ZNF837: variants seen among roughly 807,000 people sequenced by gnomAD.
ZNF837 encodes zinc finger protein 837.
For missense variants in ZNF837, 955 were observed against 801.7 expected, an observed-to-expected ratio of 1.19 and a Z score of -2.31; for synonymous variants, 475 against 365.2, an observed-to-expected ratio of 1.30 and a Z score of -3.43.
At chr19:58,374,612 A>G (rs1001773080) in intron 1 of ZNF837, among the ~76,000 whole-genome samples, 6 of 152,148 alleles carry the variant, frequency 3.9e-5, no homozygotes, top group African/African-American at 1.4e-4. Context: ...TGATGGTTGC[A>G]CAACATAGTG....
Position 58,369,122 on chromosome 19 carries a change from C to A in ZNF837, c.211G>T (p.Gly71Trp). The A allele has an allele frequency of 6.8e-7, 1 of 1,481,468 alleles. No homozygotes were observed. Among genetic ancestry groups the A allele is most frequent in the African/African-American group, 1.4e-5 (1 of 69,328 alleles). 91.8% of individuals were successfully genotyped at this position (1,481,468 alleles called of 1,614,324 possible). A position where few individuals can be genotyped will look rare whatever the true frequency, so the allele number is the denominator to read the frequency against. The change falls in exon 3 of 3, where the codon GGG becomes TGG. Residue 71 changes from glycine (G) to tryptophan (W), a missense_variant. Gly to Trp is a radical substitution (Grantham distance 184). Transcript: ENST00000597582. ...PGGGSRGCSLGVSPGPGTRHS... is the reference protein window; with the variant it reads ...PGGGSRGCSLWVSPGPGTRHS... ...CGGGTCCCCGGGCCGGGGCTCACCC[C>A]GAGGCTGCAGCCCCGGGAGCCCCCG...
At chr19:58,379,001 A>G (rs1009069656) in intron 1 of ZNF837, among the ~76,000 whole-genome samples, 104 of 152,308 alleles carry the variant, frequency 6.8e-4, no homozygotes, top group African/African-American at 2.3e-3. Flanking sequence ...GGACTGTGAG[A>G]GTAAATTTCT....
intron 1 of ZNF837, among the ~76,000 whole-genome samples, chr19:58,378,354 C>T (rs893903607): frequency 2.0e-5 from 3 of 152,200 alleles, no homozygotes; most frequent in African/African-American, 7.2e-5. Context: ...CACAGAGACC[C>T]AGATGTCAGG....
chr19:58,375,411 CATTT>C lies in ZNF837; in HGVS notation c.-139-5487_-139-5484del, dbSNP rs200741154. Reference sequence around the variant, plus strand: ...ACCCAACCTGAATTGTAAAATGGTTCATTTGTTACATGATTTATATATTTTTGTT... The same window carrying C: ...ACCCAACCTGAATTGTAAAATGGTTCGTTACATGATTTATATATTTTTGTT... On this transcript the variant is annotated intron_variant, in intron 1 of 2. Coordinates refer to ENST00000597582, the MANE Select transcript of ZNF837 (RefSeq NM_138466.2). Among the ~76,000 whole-genome samples the C allele has an allele frequency of 5.5e-3, 815 of 147,556 alleles. 10 individuals are homozygous for C. The highest frequency in any genetic ancestry group is 0.02 in the African/African-American group (790 of 40,000).
rs1256551766 is a variant in ZNF837, at chr19:58,368,509, T to A, written c.824A>T (p.Glu275Val). ...PPAQRLYACDECGKAFTRTSS... is the reference protein window; with the variant it reads ...PPAQRLYACDVCGKAFTRTSS... ...GGTGCGCGTGAAGGCCTTGCCGCAC[T>A]CGTCGCAAGCGTACAGTCGCTGGGC... Residue 275 changes from glutamate (E) to valine (V), a missense_variant, in exon 3 of 3, where the codon GAG becomes GTG. Physicochemically the swap from Glu to Val is moderately radical, Grantham distance 121. Transcript: ENST00000597582. 3 of 1,549,146 alleles carry A rather than the reference T, an allele frequency of 1.9e-6. No individual in the cohort carries two copies. The highest frequency in any genetic ancestry group is 1.7e-6 in the Non-Finnish European group (2 of 1,148,182).
At chr19:58,373,656 T>C (rs891711627) in intron 1 of ZNF837, among the ~76,000 whole-genome samples, 3 of 152,122 alleles carry the variant, frequency 2.0e-5, no homozygotes, top group African/African-American at 7.2e-5. Flanking sequence ...AAGAACAGGA[T>C]GGGGAATGAT....
In ZNF837 at chr19:58,368,433, C is replaced by T; in HGVS notation, c.900G>A (p.Glu300=). 5 of 1,557,804 alleles carry T rather than the reference C, an allele frequency of 3.2e-6. No homozygotes were observed. Among genetic ancestry groups the T allele is most frequent in the East Asian group, 2.4e-5 (1 of 41,404 alleles). The change falls in exon 3 of 3, where the codon GAG becomes GAA. Residue 300 remains glutamate, a synonymous_variant. Transcript: ENST00000597582. ...QRIHTGERPY[E]CAECGKAFVR... ...CGAAGGCCTTGCCGCACTCGGCGCA[C>T]TCGTAGGGCCGCTCGCCCGTGTGGA...
intron 1 of ZNF837, among the ~76,000 whole-genome samples, chr19:58,377,297 G>C (rs890889125): frequency 2.0e-5 from 3 of 151,570 alleles, no homozygotes; most frequent in African/African-American, 7.3e-5. Context: ...ACGAGGTCAG[G>C]AGATTGAGAC....
rs2052171168 is a variant in ZNF837 at position 58,368,872 on chromosome 19, T to G, written c.461A>C (p.Asn154Thr). 10 of 1,547,584 alleles carry G rather than the reference T, an allele frequency of 6.5e-6. No individual in the cohort carries two copies. Among genetic ancestry groups the G allele is most frequent in the Non-Finnish European group, 8.7e-6 (10 of 1,146,680 alleles). The change falls in exon 3 of 3, where the codon AAC becomes ACC. Residue 154 changes from asparagine to threonine, a missense_variant. Transcript: ENST00000597582. ...CTCACACAGTTGAGTCCGGGGGTGG[T>G]TCTGGATCCGCTCCGGACAGGGGTC... ...VCDPCPERIQNHPRTQLCEVH... is the reference protein window; with the variant it reads ...VCDPCPERIQTHPRTQLCEVH...
intron 1 of ZNF837, among the ~76,000 whole-genome samples, chr19:58,378,149 C>T (rs79102203): frequency 1.4e-3 from 211 of 152,314 alleles, no homozygotes; most frequent in African/African-American, 5.0e-3. Flanking sequence ...TCTGAGGTCC[C>T]CACACATAGG....
At chr19:58,369,435 A>G (rs1453741703) in intron 2 of ZNF837, 74 bp from the exon 3 acceptor site, 2 of 1,241,336 alleles carry the variant, frequency 1.6e-6, no homozygotes, top group Admixed American at 7.6e-5. Context: ...CCAACGAGCG[A>G]CCACCCCACA....
chr19:58,368,007 G>T lies in ZNF837; in HGVS notation c.1326C>A (p.Thr442=). The change falls in exon 3 of 3, where the codon ACC becomes ACA. Residue 442 remains threonine, a synonymous_variant. Transcript: ENST00000597582. ...CGGAGCAGCCATAGGGCCGCTCGCC[G>T]GTGTGCGCGCGCTGGTGTTGCACCA... The part of the protein sequence containing the change: ...SGLVQHQRAH[T]GERPYGCSEC... 6.5e-7 allele frequency: 1 copy of T among 1,531,376 alleles called. No individual in the cohort carries two copies. The highest frequency in any genetic ancestry group is 2.5e-5 in the East Asian group (1 of 40,632). The allele number at this position is 1,531,376 out of a possible 1,614,324, so 94.9% of individuals were successfully genotyped here.
Position 58,369,217 on chromosome 19 carries a change from C to T in ZNF837, c.116G>A (p.Arg39Gln), listed in dbSNP as rs964978177. Residue 39 changes from arginine (R) to glutamine (Q), a missense_variant, in exon 3 of 3, where the codon CGA becomes CAA. Physicochemically the swap from Arg to Gln is conservative, Grantham distance 43. Coordinates refer to ENST00000597582, the MANE Select transcript of ZNF837 (RefSeq NM_138466.2). Reference sequence around the variant, plus strand: ...CTTTTGAGTGGGGCGGCTCCCAGCTCGGTCCTCTTCGAGGGGCCTCGGCTC... The same window carrying T: ...CTTTTGAGTGGGGCGGCTCCCAGCTTGGTCCTCTTCGAGGGGCCTCGGCTC... ...PEEPRPLEED[R>Q]AGSRPTQKGD... 8 of 1,438,850 alleles carry T rather than the reference C, an allele frequency of 5.6e-6. No individual in the cohort carries two copies. The highest frequency in any genetic ancestry group is 3.0e-5 in the African/African-American group (2 of 66,728). The allele number at this position is 1,438,850 out of a possible 1,614,324, so 89.1% of individuals were successfully genotyped here. A position where few individuals can be genotyped will look rare whatever the true frequency, so the allele number is the denominator to read the frequency against.
In ZNF837 at chr19:58,368,015, C is replaced by A; in HGVS notation, c.1318G>T (p.Ala440Ser). 6.5e-7 allele frequency: 1 copy of A among 1,532,294 alleles called. No individual in the cohort carries two copies. The highest frequency in any genetic ancestry group is 8.7e-7 in the Non-Finnish European group (1 of 1,144,218). 94.9% of individuals were successfully genotyped at this position (1,532,294 alleles called of 1,614,324 possible). Reference sequence around the variant, plus strand: ...CCATAGGGCCGCTCGCCGGTGTGCGCGCGCTGGTGTTGCACCAGGCCCGAG... The same window carrying A: ...CCATAGGGCCGCTCGCCGGTGTGCGAGCGCTGGTGTTGCACCAGGCCCGAG... ...GRSGLVQHQR[A>S]HTGERPYGCS... is the part of the protein sequence containing the mutation. The change falls in exon 3 of 3, where the codon GCG (alanine) becomes TCG (serine). Residue 440 changes from alanine to serine, a missense_variant. Transcript: ENST00000597582.
chr19:58,368,938 C>T lies in ZNF837; in HGVS notation c.395G>A (p.Trp132Ter), dbSNP rs2052172486. Residue 132 changes from tryptophan (W) to a stop codon, truncating the protein, a stop_gained, in exon 3 of 3, where the codon TGG (tryptophan) becomes TAG (stop). Transcript: ENST00000597582. LOFTEE classifies it low-confidence loss of function (END_TRUNC). ...CTCCCCAGCGGGCGCCCCGCGATGC[C>T]ACGCCAGGCAGGAGTTCCTGCTGCA... is the stretch of plus-strand genomic sequence containing the variant. The part of the protein sequence containing the change: ...GDCSRNSCLA[W>*]HRGAPAGETP... 1 of 1,544,304 alleles carries T rather than the reference C, an allele frequency of 6.5e-7. No individual in the cohort carries two copies. Among genetic ancestry groups the T allele is most frequent in the East Asian group, 2.5e-5 (1 of 40,716 alleles).
rs1234459472 is a variant in ZNF837, at chr19:58,369,165, A to G, written c.168T>C (p.Gly56=). The change falls in exon 3 of 3, where the codon GGT becomes GGC. Residue 56 remains glycine, a synonymous_variant. Coordinates refer to ENST00000597582, the MANE Select transcript of ZNF837 (RefSeq NM_138466.2). ...AGCCCCCGCCTGGGGGAGTCGTCCT[A>G]CCGCCCGCCGCTCCACGCAGGTCCC... ...QKGDLRGAAG[G]RTTPPGGGSR... 15 of 1,448,650 alleles carry G rather than the reference A, an allele frequency of 1.0e-5. No homozygotes were observed. The highest frequency in any genetic ancestry group is 2.9e-5 in the Admixed American group (1 of 34,354). The allele number at this position is 1,448,650 out of a possible 1,614,324, so 89.7% of individuals were successfully genotyped here.
In ZNF837 at chr19:58,368,732, C is replaced by T. The variant is rs1205972219; in HGVS notation, c.601G>A (p.Ala201Thr). 2 of 1,537,320 alleles carry T rather than the reference C, an allele frequency of 1.3e-6. No individual in the cohort carries two copies. Among genetic ancestry groups the T allele is most frequent in the Admixed American group, 2.0e-5 (1 of 50,950 alleles). The stretch of plus-strand genomic sequence containing the variant: ...CTCCACGCAAAGGCCTCGCCGCACG[C>T]GCAAGCCCGGGGCTGCTCCACCAAG... ...NPLVEQPRACACGEAFAWRAL... is the reference protein window; with the variant it reads ...NPLVEQPRACTCGEAFAWRAL... The change falls in exon 3 of 3, where the codon GCG becomes ACG. Residue 201 changes from alanine to threonine, a missense_variant. Ala to Thr is a moderately conservative substitution (Grantham distance 58). Transcript: ENST00000597582.
At position 58,368,793 on chromosome 19, in the gene ZNF837, C is replaced by G; in HGVS notation, c.540G>C (p.Pro180=). ...CQPGTGAPTC[P]RTPKPTSRGR... is the part of the protein sequence containing the mutation. The stretch of plus-strand genomic sequence containing the variant: ...CGCGGGAGGTCGGCTTTGGGGTCCT[C>G]GGGCAGGTCGGAGCGCCAGTCCCTG... Residue 180 remains proline (P), a synonymous_variant, in exon 3 of 3, where the codon CCG becomes CCC. Coordinates refer to ENST00000597582, the MANE Select transcript of ZNF837 (RefSeq NM_138466.2). 6.5e-7 allele frequency: 1 copy of G among 1,544,600 alleles called. No homozygotes were observed. Among genetic ancestry groups the G allele is most frequent in the Non-Finnish European group, 8.7e-7 (1 of 1,146,648 alleles).
intron 1 of ZNF837, among the ~76,000 whole-genome samples, chr19:58,378,686 T>G (rs2052268155): frequency 6.6e-6 from 1 of 152,196 alleles, no homozygotes; most frequent in Non-Finnish European, 1.5e-5. Flanking sequence ...ACCCCGGAAC[T>G]CTCAGAATGT....
Sources: gnomAD v4.1 joint callset for allele counts (sites outside exome capture counted in the v4.1 genomes callset) on GRCh38, gnomAD v4.1.1 for gene constraint, MANE v1.5 for transcripts, NCBI Gene and HGNC (gene_info 2026-07-23, HGNC 2026-07-21) for gene names.